The following ITGA1 variants were observed in gnomAD, a reference collection of about 807,000 sequenced individuals.
The protein encoded by ITGA1 is integrin subunit alpha 1.
ITGA1 carries 85 observed loss-of-function variants against 145.9 expected under a neutral mutation model. That is an observed-to-expected ratio of 0.58 (90% CI 0.49 to 0.70). ITGA1 has a LOEUF of 0.70. Among genes scored for constraint, ITGA1 ranks in the 30% least tolerant of loss-of-function variants. The pLI, the probability that ITGA1 is intolerant of heterozygous loss-of-function variation, is 0.00. For missense variants in ITGA1, 1,351 were observed against 1,418.7 expected (o/e 0.95, Z 0.77); for synonymous variants, 520 against 495.3 (o/e 1.05, Z -0.66).
At chr5:52,826,383 A>G (rs1170698419) in intron 1 of ITGA1, among the ~76,000 whole-genome samples, 2 of 152,242 alleles carry the variant, frequency 1.3e-5, no homozygotes, top group Non-Finnish European at 2.9e-5. Context: ...GAAATAAACC[A>G]TCTGCATAAC....
At chr5:52,896,968 A>G (rs1047790279) in intron 9 of ITGA1, among the ~76,000 whole-genome samples, 23 of 152,312 alleles carry the variant, frequency 1.5e-4, no homozygotes, top group African/African-American at 5.1e-4. Flanking sequence ...GACAGAATCT[A>G]TGGCCTGAAT....
chr5:52,815,892 A>C (rs563168262), intron 1 of ITGA1, among the ~76,000 whole-genome samples: 5 of 152,318 alleles, frequency 3.3e-5, no homozygotes, highest in South Asian at 2.1e-4. Flanking sequence ...TATAATCTTA[A>C]TAAATTAAGG....
At chr5:52,854,412 A>C (rs944372514) in intron 2 of ITGA1, among the ~76,000 whole-genome samples, 1 of 152,284 alleles carries the variant, frequency 6.6e-6, no homozygotes, top group South Asian at 2.1e-4. Context: ...CCTCATTGCC[A>C]AACTTGTCAT....
intron 1 of ITGA1, among the ~76,000 whole-genome samples, chr5:52,822,109 C>T (rs1748888700): frequency 6.6e-6 from 1 of 152,264 alleles, no homozygotes; most frequent in East Asian, 1.9e-4. Context: ...GAGGCCGTTT[C>T]CTGACCTTTT....
intron 1 of ITGA1, among the ~76,000 whole-genome samples, chr5:52,831,954 C>G (rs1158732276): frequency 6.6e-6 from 1 of 152,102 alleles, no homozygotes; most frequent in African/African-American, 2.4e-5. Flanking sequence ...TGAGTCATGT[C>G]TTTGTAGCCA....
intron 9 of ITGA1, among the ~76,000 whole-genome samples, chr5:52,896,256 C>T (rs1750221773): frequency 6.6e-6 from 1 of 152,172 alleles, no homozygotes; most frequent in Non-Finnish European, 1.5e-5. Context: ...CTGTTCTCAG[C>T]TGAAGGCAGA....
chr5:52,861,607 A>C (rs775509511), intron 3 of ITGA1, 48 bp downstream of exon 3: 2 of 1,084,366 alleles, frequency 1.8e-6, no homozygotes, highest in East Asian at 4.7e-5. Context: ...GCGGTGAGTC[A>C]CGCCTGTAAT....
At chr5:52,904,727 C>G (rs1750370150) in intron 11 of ITGA1, 1 of 152,090 alleles carries the variant, frequency 6.6e-6, no homozygotes, top group African/African-American at 2.4e-5. Context: ...GTGGCGGGCG[C>G]CTGTAGTCCC....
chr5:52,805,189 G>T (rs1446230739), intron 1 of ITGA1, among the ~76,000 whole-genome samples: 1 of 152,106 alleles, frequency 6.6e-6, no homozygotes, highest in Non-Finnish European at 1.5e-5. Flanking sequence ...GGGAAGATGG[G>T]GAGGGGAAGT....
chr5:52,908,021 G>T (rs1750438588), intron 12 of ITGA1, among the ~76,000 whole-genome samples: 2 of 152,160 alleles, frequency 1.3e-5, no homozygotes, highest in African/African-American at 2.4e-5. Context: ...TGCCTTAGTA[G>T]AAATTTTTAA....
At chr5:52,875,663 C>A (rs1749855388) in intron 6 of ITGA1, among the ~76,000 whole-genome samples, 1 of 152,130 alleles carries the variant, frequency 6.6e-6, no homozygotes, top group South Asian at 2.1e-4. Flanking sequence ...TTTACTGATA[C>A]CACAAACTGC....
chr5:52,947,229 A>T, intron 27 of ITGA1, 116 bp from the exon 28 acceptor site: 1 of 640,968 alleles, frequency 1.6e-6, no homozygotes. Flanking sequence ...ATGTTTTCTC[A>T]TTATATAGTA....
chr5:52,872,188 C>G (rs1172360611), intron 6 of ITGA1, among the ~76,000 whole-genome samples: 1 of 152,098 alleles, frequency 6.6e-6, no homozygotes, highest in Non-Finnish European at 1.5e-5. Context: ...CTTTTTACTG[C>G]TGATTTTATG....
At chr5:52,816,719 A>G (rs969275955) in intron 1 of ITGA1, among the ~76,000 whole-genome samples, 3 of 152,048 alleles carry the variant, frequency 2.0e-5, no homozygotes. Context: ...TGCCTGGCAC[A>G]CCTCCTCCCA....
Position 52,865,721 on chromosome 5 carries a change from G to A in ITGA1, c.528G>A (p.Val176=), listed in dbSNP as rs747200307. ...GCACTCAACTGGACATAGTCATAGT[G>A]CTGGATGGTTCCAACAGTATTTACC... ...ECSTQLDIVI[V]LDGSNSIYPW... Residue 176 remains valine, a synonymous_variant, in exon 6 of 29, where the codon GTG becomes GTA. Transcript: ENST00000282588. 2 of 1,591,502 alleles carry A rather than the reference G, an allele frequency of 1.3e-6. No individual in the cohort carries two copies. Among genetic ancestry groups the A allele is most frequent in the Non-Finnish European group, 1.7e-6 (2 of 1,172,694 alleles).
At chr5:52,842,544 T>C (rs986314826) in intron 1 of ITGA1, among the ~76,000 whole-genome samples, 2 of 152,250 alleles carry the variant, frequency 1.3e-5, no homozygotes, top group African/African-American at 4.8e-5. Context: ...GCTCATTTTT[T>C]GATTATTCTC....
chr5:52,880,533 T>C (rs993194777), intron 6 of ITGA1, among the ~76,000 whole-genome samples: 1 of 152,316 alleles, frequency 6.6e-6, no homozygotes, highest in Admixed American at 6.5e-5. Flanking sequence ...GACATGAAAT[T>C]AAGACTAAAG....
At chr5:52,925,541 A>T (rs1262190623) in intron 19 of ITGA1, 54 bp downstream of exon 19, 15 of 1,303,800 alleles carry the variant, frequency 1.2e-5, no homozygotes, top group Non-Finnish European at 1.7e-5. Flanking sequence ...TACCTGGCCT[A>T]CTTTTCATGC....
In ITGA1 at chr5:52,800,292, G is replaced by A. The variant is rs1748440185; in HGVS notation, c.61+11878G>A. On this transcript the variant is annotated intron_variant, in intron 1 of 28. Coordinates refer to ENST00000282588, the MANE Select transcript of ITGA1 (RefSeq NM_181501.2). ...GCCAGGCAAGTGCCCTTAGAAACCG[G>A]GCCCCGCCCCCTTCCTGGCCTGCAT... The A allele has an allele frequency of 6.8e-6, 9 of 1,322,542 alleles. 1 individual carries two copies. In the South Asian group the frequency reaches 9.2e-5, roughly 14 times the overall value. 81.9% of individuals were successfully genotyped at this position (1,322,542 alleles called of 1,614,324 possible).
Sources: gnomAD v4.1 joint callset for allele counts (sites outside exome capture counted in the v4.1 genomes callset) on GRCh38, gnomAD v4.1.1 for gene constraint, MANE v1.5 for transcripts, NCBI Gene and HGNC (gene_info 2026-07-23, HGNC 2026-07-21) for gene names.